Variants in CELF2 observed in about 807,000 individuals in gnomAD.
CELF2 encodes the protein CUGBP Elav-like family member 2.
A neutral mutation model predicts 62.6 loss-of-function variants in CELF2; 8 were observed. That is an observed-to-expected ratio of 0.13 (90% CI 0.07 to 0.23). The LOEUF is 0.23. CELF2 is among the 10% of genes least tolerant of loss of function. The pLI is 1.00. For missense variants in CELF2, 333 were observed against 671.0 expected, an observed-to-expected ratio of 0.50 and a Z score of 5.56; for synonymous variants, 258 against 250.0, an observed-to-expected ratio of 1.03 and a Z score of -0.30.
chr10:10,702,989 A>C, the CELF2 span, among the ~76,000 whole-genome samples: 1 of 152,182 alleles, frequency 6.6e-6, no homozygotes, highest in Non-Finnish European at 1.5e-5. Flanking sequence ...TCACTCTTTC[A>C]AAACCATTTA....
At chr10:10,779,770 A>G in the CELF2 span, among the ~76,000 whole-genome samples, 1 of 152,202 alleles carries the variant, frequency 6.6e-6, no homozygotes. Context: ...GCTAAAGTGC[A>G]GTCAGTATTG....
chr10:10,763,996 TGAAA>T, the CELF2 span, among the ~76,000 whole-genome samples: 4 of 152,256 alleles, frequency 2.6e-5, no homozygotes, highest in Admixed American at 2.6e-4. Context: ...TGCGGCTGTC[TGAAA>T]GAGTTTTAAA....
At chr10:10,980,124 A>G (rs1366720511) in intron 2 of CELF2, among the ~76,000 whole-genome samples, 1 of 152,242 alleles carries the variant, frequency 6.6e-6, no homozygotes, top group African/African-American at 2.4e-5. Context: ...TGCAAGGAAC[A>G]AGAAAGAAAA....
At chr10:10,806,004 G>T (rs2055187907) in intron 1 of CELF2, among the ~76,000 whole-genome samples, 1 of 152,164 alleles carries the variant, frequency 6.6e-6, no homozygotes, top group Non-Finnish European at 1.5e-5. Context: ...AGTGTCTGAG[G>T]CCAGAGGACA....
intron 1 of CELF2, among the ~76,000 whole-genome samples, chr10:10,821,787 G>A (rs1257499058): frequency 1.3e-5 from 2 of 152,162 alleles, no homozygotes; most frequent in South Asian, 2.1e-4. Context: ...AGTATGTGGT[G>A]ATGCACGATG....
the CELF2 span, among the ~76,000 whole-genome samples, chr10:10,679,384 G>C: frequency 1.3e-5 from 2 of 152,112 alleles, no homozygotes; most frequent in African/African-American, 4.8e-5. Flanking sequence ...CCACCTCCTG[G>C]GTTCAAGCCA....
At chr10:11,041,115 A>G (rs190806531) in intron 1 of CELF2, among the ~76,000 whole-genome samples, 20 of 152,322 alleles carry the variant, frequency 1.3e-4, no homozygotes, top group South Asian at 8.3e-4. Context: ...TTCTAGCTGT[A>G]CCCTCACATG....
chr10:11,115,784 C>A (rs756587450), intron 1 of CELF2, among the ~76,000 whole-genome samples: 1 of 152,186 alleles, frequency 6.6e-6, no homozygotes, highest in African/African-American at 2.4e-5. Context: ...ATCACCACTG[C>A]TAATCCAGTT....
chr10:10,495,056 C>T, the CELF2 span, among the ~76,000 whole-genome samples: 3 of 152,038 alleles, frequency 2.0e-5, no homozygotes, highest in South Asian at 2.1e-4. Flanking sequence ...GCGGGCAGAT[C>T]ATGAGGTCAG....
rs1041811721 is a variant in CELF2 at position 10,931,354 on chromosome 10, A to G, written c.89+11355A>G. Among the ~76,000 whole-genome samples, 3 of 151,958 alleles carry G rather than the reference A, an allele frequency of 2.0e-5. No homozygotes were observed. The highest frequency in any genetic ancestry group is 7.2e-5 in the African/African-American group (3 of 41,402). On this transcript the variant is annotated intron_variant, in intron 2 of 13. Transcript: ENST00000636488. The surrounding 1 kb of genome is among the most constrained non-coding windows in gnomAD (Gnocchi z 6.1). ...ATTCATCCTTAAACCTCTGCTTGTC[A>G]TGCTGGCTGGGGGTGGGGGGTGTAA... is the stretch of plus-strand genomic sequence containing the variant.
Position 11,244,420 on chromosome 10 carries a change from G to A in CELF2, c.355-4733G>A, listed in dbSNP as rs992689325. ...TATAATCCCAGCACTTTGGGAGGCC[G>A]AGGTGGGTGGATCCCAAGGTCAGGA... On this transcript the variant is annotated intron_variant, in intron 3 of 12. Coordinates refer to ENST00000633077, the MANE Select transcript of CELF2 (RefSeq NM_001326342.2). The surrounding 1 kb of genome is among the most constrained non-coding windows in gnomAD (Gnocchi z 4.2). Among the ~76,000 whole-genome samples the A allele has an allele frequency of 6.6e-5, 10 of 152,316 alleles. No homozygotes were observed. Among genetic ancestry groups the A allele is most frequent in the African/African-American group, 1.7e-4 (7 of 41,570 alleles).
At chr10:10,490,799 G>A in the CELF2 span, among the ~76,000 whole-genome samples, 2 of 152,088 alleles carry the variant, frequency 1.3e-5, no homozygotes, top group Admixed American at 6.5e-5. Context: ...TGAATACCAA[G>A]ATAAAAAAGG....
chr10:10,910,926 AG>A (rs2063759277), intron 1 of CELF2, among the ~76,000 whole-genome samples: 2 of 152,206 alleles, frequency 1.3e-5, no homozygotes, highest in South Asian at 4.1e-4. Context: ...TTCAATGAGC[AG>A]GAATTGTTAC....
the CELF2 span, among the ~76,000 whole-genome samples, chr10:10,651,445 T>A: frequency 1.5e-5 from 2 of 136,800 alleles, no homozygotes; most frequent in Non-Finnish European, 3.2e-5. Flanking sequence ...AAGACAGCAG[T>A]AACCTCTGCA....
chr10:10,579,206 T>C, the CELF2 span, among the ~76,000 whole-genome samples: 1 of 152,290 alleles, frequency 6.6e-6, no homozygotes, highest in Admixed American at 6.5e-5. Context: ...AATGGAGACA[T>C]AGTAAAATTC....
In CELF2 at chr10:11,332,790, A is replaced by C. The variant is rs966507868; in HGVS notation, c.*3737A>C. 1 of 152,708 alleles carries C rather than the reference A, an allele frequency of 6.5e-6. No individual in the cohort carries two copies. Among genetic ancestry groups the C allele is most frequent in the Non-Finnish European group, 1.5e-5 (1 of 68,072 alleles). 9.5% of individuals were successfully genotyped at this position (152,708 alleles called of 1,614,324 possible). A position where few individuals can be genotyped will look rare whatever the true frequency, so the allele number is the denominator to read the frequency against. On this transcript the variant is annotated 3_prime_UTR_variant, in exon 13 of 13. Coordinates refer to ENST00000633077, the MANE Select transcript of CELF2 (RefSeq NM_001326342.2). ...AACGTTTCCTTCTTATAGCACATGC[A>C]CTTCCTTACAATGACATGATTTGTA...
At chr10:11,327,819 T>G (rs7091812) in intron 12 of CELF2, among the ~76,000 whole-genome samples, 2,323 of 152,328 alleles carry the variant, frequency 0.015, 59 homozygotes, top group African/African-American at 0.052. Context: ...AGAAAAGTCA[T>G]GTCCTCTTCT....
rs1004737971 is a variant in CELF2, at chr10:11,244,034, C to T, written c.355-5119C>T. Among the ~76,000 whole-genome samples, 9 of 152,200 alleles carry T rather than the reference C, an allele frequency of 5.9e-5. No homozygotes were observed. The highest frequency in any genetic ancestry group is 1.0e-4 in the Non-Finnish European group (7 of 68,018). On this transcript the variant is annotated intron_variant, in intron 3 of 12. Transcript: ENST00000633077. The surrounding 1 kb of genome is among the most constrained non-coding windows in gnomAD (Gnocchi z 4.2). ...CCCCGTCTCCTGCTGTCTACTGGGA[C>T]CTGCAGGCATGTGCAGGGCACAGCA... is the stretch of plus-strand genomic sequence containing the variant.
At chr10:10,742,849 T>C in the CELF2 span, among the ~76,000 whole-genome samples, 2 of 152,214 alleles carry the variant, frequency 1.3e-5, no homozygotes, top group African/African-American at 4.8e-5. Context: ...TTGTGATCTC[T>C]ATTAACAAAA....
Sources: gnomAD v4.1 joint callset for allele counts (sites outside exome capture counted in the v4.1 genomes callset) on GRCh38, gnomAD v4.1.1 for gene constraint, Gnocchi (gnomAD v3.1) non-coding constraint, MANE v1.5 for transcripts, NCBI Gene and HGNC (gene_info 2026-07-23, HGNC 2026-07-21) for gene names.